Variants in CACNA1E observed in about 807,000 individuals in gnomAD.
The protein encoded by CACNA1E is calcium voltage-gated channel subunit alpha1 E.
In CACNA1E, 40 loss-of-function variants were observed where a neutral mutation model predicts 259.2. That is an observed-to-expected ratio of 0.15 (90% CI 0.12 to 0.20). The LOEUF (loss-of-function observed/expected upper bound fraction) is 0.20. Among genes scored for constraint, CACNA1E ranks in the 10% least tolerant of loss-of-function variants. The probability of loss-of-function intolerance (pLI) is 1.00; values close to 1 mark genes in which losing one functional copy is unlikely to be tolerated. For synonymous variants in CACNA1E, 1,104 were observed against 1,138.5 expected, an observed-to-expected ratio of 0.97 and a Z score of 0.61; for missense variants, 1,874 against 3,040.1, an observed-to-expected ratio of 0.62 and a Z score of 9.02.
chr1:181,562,234 G>C (rs932679367), intron 3 of CACNA1E, among the ~76,000 whole-genome samples: 4 of 152,130 alleles, frequency 2.6e-5, no homozygotes, highest in African/African-American at 7.2e-5. Context: ...AAATCAAAGA[G>C]AGTGAACATC....
intron 1 of CACNA1E, among the ~76,000 whole-genome samples, chr1:181,343,014 G>C (rs1652287958): frequency 1.3e-5 from 2 of 152,066 alleles, no homozygotes; most frequent in Non-Finnish European, 2.9e-5. Context: ...CAGGACAGGG[G>C]GTGGTATATT....
chr1:181,505,288 T>G (rs929254341), intron 1 of CACNA1E, among the ~76,000 whole-genome samples: 3 of 152,188 alleles, frequency 2.0e-5, no homozygotes, highest in African/African-American at 7.2e-5. Context: ...AAGAAGAAAG[T>G]GAAAATAACC....
chr1:181,714,118 G>A (rs1157228424), intron 8 of CACNA1E, among the ~76,000 whole-genome samples: 2 of 152,092 alleles, frequency 1.3e-5, no homozygotes, highest in Non-Finnish European at 2.9e-5. Context: ...CCACAGGACT[G>A]CCCCCACTTT....
chr1:181,760,806 C>T (rs147705580), intron 32 of CACNA1E, among the ~76,000 whole-genome samples: 114 of 152,316 alleles, frequency 7.5e-4, no homozygotes, highest in Non-Finnish European at 1.4e-3. Context: ...GTCTACACTG[C>T]ACTGTACTAT....
At chr1:181,591,616 A>G (rs76367483) in intron 6 of CACNA1E, among the ~76,000 whole-genome samples, 148 of 152,218 alleles carry the variant, frequency 9.7e-4, no homozygotes, top group Non-Finnish European at 1.1e-3. Context: ...TCATTTTTGT[A>G]AGTTTTATGC....
In CACNA1E at chr1:181,676,121, A is replaced by G. The variant is rs1168874001; in HGVS notation, c.1055+24680A>G. 2.6e-5 allele frequency among the ~76,000 whole-genome samples: 4 copies of G among 152,164 alleles called. No individual in the cohort carries two copies. In the East Asian group the frequency reaches 7.7e-4, roughly 29 times the overall value. On this transcript the variant is annotated intron_variant, in intron 7 of 47. Transcript: ENST00000367573. ...AACTATAAGGCTCTTCTCCCCAGCAAAGTGTCCCAGAGCTGTGCGAGGCTT... is the reference window on the plus strand; with the variant it reads ...AACTATAAGGCTCTTCTCCCCAGCAGAGTGTCCCAGAGCTGTGCGAGGCTT...
chr1:181,451,062 G>T (rs1661124555), intron 2 of CACNA1E, among the ~76,000 whole-genome samples: 1 of 152,218 alleles, frequency 6.6e-6, no homozygotes, highest in Non-Finnish European at 1.5e-5. Context: ...CAGCACAAGT[G>T]TGGAGGCATG....
chr1:181,342,573 C>A (rs186771855), intron 1 of CACNA1E, among the ~76,000 whole-genome samples: 1 of 152,314 alleles, frequency 6.6e-6, no homozygotes, highest in East Asian at 1.9e-4. Flanking sequence ...AGAAGCCCAA[C>A]AGAACAGAAT....
At chr1:181,385,372 A>C (rs1655766872) in intron 1 of CACNA1E, among the ~76,000 whole-genome samples, 1 of 152,254 alleles carries the variant, frequency 6.6e-6, no homozygotes, top group African/African-American at 2.4e-5. Flanking sequence ...TCTCCGATGG[A>C]ATATCACATT....
intron 40 of CACNA1E, among the ~76,000 whole-genome samples, chr1:181,784,013 C>A (rs1415408659): frequency 1.3e-5 from 2 of 152,124 alleles, no homozygotes. Flanking sequence ...AGTATATGAT[C>A]TTCAGTGTCT....
At chr1:181,429,549 T>C (rs1659561166) in intron 2 of CACNA1E, among the ~76,000 whole-genome samples, 1 of 152,222 alleles carries the variant, frequency 6.6e-6, no homozygotes, top group Non-Finnish European at 1.5e-5. Context: ...TCATTTGAAT[T>C]AGTTTGCCTG....
intron 2 of CACNA1E, among the ~76,000 whole-genome samples, chr1:181,443,254 G>C (rs763850096): frequency 6.6e-6 from 1 of 152,366 alleles, no homozygotes; most frequent in East Asian, 1.9e-4. Flanking sequence ...ATGAAAGTAA[G>C]GTGGTGGACA....
intron 1 of CACNA1E, among the ~76,000 whole-genome samples, chr1:181,506,182 G>A (rs867959444): frequency 6.6e-6 from 1 of 152,210 alleles, no homozygotes; most frequent in Non-Finnish European, 1.5e-5. Flanking sequence ...AGGCCGTGGC[G>A]ACTCGGAGCT....
chr1:181,451,884 A>G (rs138720887), intron 2 of CACNA1E, among the ~76,000 whole-genome samples: 6 of 152,314 alleles, frequency 3.9e-5, no homozygotes, highest in Non-Finnish European at 7.4e-5. Context: ...AAGCAGGGGC[A>G]TGAGGCAACT....
chr1:181,701,225 C>G (rs1652219289), intron 7 of CACNA1E, among the ~76,000 whole-genome samples: 1 of 152,208 alleles, frequency 6.6e-6, no homozygotes, highest in African/African-American at 2.4e-5. Context: ...TCCTTGAACA[C>G]AGCTGCACCT....
At chr1:181,578,483 C>T (rs1225596975) in intron 4 of CACNA1E, among the ~76,000 whole-genome samples, 1 of 152,242 alleles carries the variant, frequency 6.6e-6, no homozygotes, top group Non-Finnish European at 1.5e-5. Context: ...GGGAGGATCA[C>T]TTGGGCCTGG....
In CACNA1E at chr1:181,528,146, G is replaced by GT. The variant is rs1189002367; in HGVS notation, c.512+16637dup. Among the ~76,000 whole-genome samples the GT allele has an allele frequency of 2.8e-4, 40 of 143,092 alleles. 1 individual carries two copies. The East Asian group carries it at 8.0e-3, about 29-fold the overall frequency. The allele number at this position is 143,092 out of a possible 152,430, so 93.9% of individuals were successfully genotyped here. A position where few individuals can be genotyped will look rare whatever the true frequency, so the allele number is the denominator to read the frequency against. The stretch of plus-strand genomic sequence containing the variant: ...CCACATGTTGTGGGAGGGGCCCGGG[G>GT]TGGGGGGGGCAGTAATTGAATCATG... On this transcript the variant is annotated intron_variant, in intron 3 of 47. Transcript: ENST00000367573.
chr1:181,722,919 C>T (rs1654542698), intron 16 of CACNA1E, among the ~76,000 whole-genome samples: 1 of 152,182 alleles, frequency 6.6e-6, no homozygotes, highest in Non-Finnish European at 1.5e-5. Flanking sequence ...GACATGGAAG[C>T]TCCATGTGTC....
chr1:181,405,312 T>C (rs989764431), intron 1 of CACNA1E, among the ~76,000 whole-genome samples: 3 of 152,204 alleles, frequency 2.0e-5, no homozygotes, highest in Admixed American at 2.0e-4. Flanking sequence ...GGAGAAGATT[T>C]TGCAGCATTG....
Sources: allele counts gnomAD v4.1 joint callset (sites outside exome capture counted in the v4.1 genomes callset), GRCh38; gene constraint gnomAD v4.1.1; transcripts MANE v1.5; gene names NCBI Gene and HGNC (gene_info 2026-07-23, HGNC 2026-07-21).